ESRRG: variants seen among roughly 807,000 people sequenced by gnomAD.
ESRRG encodes estrogen-related receptor gamma.
Under a neutral mutation model 44.0 loss-of-function variants are expected in ESRRG, and 13 were observed. The observed-to-expected ratio is 0.30, with a 90% CI of 0.19 to 0.47. The LOEUF is 0.47. Ranked by LOEUF, ESRRG falls within the 20% of genes least tolerant of loss-of-function variation. The pLI is 1.00. For synonymous variants in ESRRG, 215 were observed against 214.6 expected (o/e 1.00, Z -0.02); for missense variants, 395 against 580.6 (o/e 0.68, Z 3.29).
At chr1:216,765,419 C>G (rs528254986) in intron 2 of ESRRG, among the ~76,000 whole-genome samples, 2 of 152,174 alleles carry the variant, frequency 1.3e-5, no homozygotes, top group South Asian at 4.2e-4. Context: ...TGTGATCACC[C>G]CTAGTCTTAT....
At chr1:216,563,615 T>C (rs908334156) in intron 5 of ESRRG, among the ~76,000 whole-genome samples, 1 of 152,206 alleles carries the variant, frequency 6.6e-6, no homozygotes, top group Admixed American at 6.5e-5. Flanking sequence ...CATGTACATA[T>C]TTGTTCATAT....
intron 2 of ESRRG, among the ~76,000 whole-genome samples, chr1:216,934,729 T>A (rs1482614857): frequency 6.6e-6 from 1 of 152,146 alleles, no homozygotes; most frequent in East Asian, 1.9e-4. Context: ...ATGGGAATTA[T>A]GGGAGCTACA....
intron 2 of ESRRG, among the ~76,000 whole-genome samples, chr1:216,903,599 C>A (rs1388377571): frequency 6.6e-6 from 1 of 151,812 alleles, no homozygotes; most frequent in Non-Finnish European, 1.5e-5. Context: ...GAACCCTGTA[C>A]AGCTGGTCCC....
At chr1:217,042,444 G>GA (rs912874215) in intron 1 of ESRRG, among the ~76,000 whole-genome samples, 8 of 144,420 alleles carry the variant, frequency 5.5e-5, no homozygotes, top group African/African-American at 2.1e-4. Context: ...GAAAGTAAAG[G>GA]AAAAAATGCA....
intron 2 of ESRRG, among the ~76,000 whole-genome samples, chr1:216,731,723 T>G (rs1009997591): frequency 1.7e-4 from 26 of 152,358 alleles, no homozygotes; most frequent in African/African-American, 4.8e-4. Flanking sequence ...TAGATTAAAT[T>G]ACCAGGAATG....
At chr1:216,800,198 CA>C (rs1477890215) in intron 2 of ESRRG, among the ~76,000 whole-genome samples, 3 of 152,078 alleles carry the variant, frequency 2.0e-5, no homozygotes, top group Admixed American at 6.6e-5. Context: ...GTCAGGAAAC[CA>C]TTAACATATT....
At chr1:216,952,568 G>A (rs2067159037) in intron 1 of ESRRG, among the ~76,000 whole-genome samples, 1 of 152,054 alleles carries the variant, frequency 6.6e-6, no homozygotes, top group Non-Finnish European at 1.5e-5. Flanking sequence ...TAGCAACTAT[G>A]AAACAGACAC....
chr1:217,013,539 T>C (rs995945461), intron 1 of ESRRG, among the ~76,000 whole-genome samples: 6 of 152,194 alleles, frequency 3.9e-5, no homozygotes, highest in African/African-American at 1.4e-4. Flanking sequence ...CAATCTATAG[T>C]TCCTTTAAAT....
chr1:216,927,406 G>A (rs1285632641), intron 2 of ESRRG, among the ~76,000 whole-genome samples: 1 of 152,182 alleles, frequency 6.6e-6, no homozygotes, highest in Non-Finnish European at 1.5e-5. Context: ...CAAAGGGAGG[G>A]AGGCGTTCTT....
At chr1:216,940,168 G>A (rs958671699) in intron 1 of ESRRG, among the ~76,000 whole-genome samples, 3 of 152,124 alleles carry the variant, frequency 2.0e-5, no homozygotes, top group Non-Finnish European at 2.9e-5. Context: ...ACAAGAGAGC[G>A]AGTAGAGAGG....
At chr1:217,075,733 G>A (rs1469685498) in intron 1 of ESRRG, among the ~76,000 whole-genome samples, 1 of 151,848 alleles carries the variant, frequency 6.6e-6, no homozygotes, top group Non-Finnish European at 1.5e-5. Flanking sequence ...CATGCAATAA[G>A]GCTCTCCAAC....
intron 2 of ESRRG, among the ~76,000 whole-genome samples, chr1:216,878,273 A>G (rs368962520): frequency 1.3e-5 from 2 of 152,146 alleles, no homozygotes; most frequent in East Asian, 3.9e-4. Context: ...TGAGATTGCT[A>G]TCTTTTTCTT....
intron 5 of ESRRG, among the ~76,000 whole-genome samples, chr1:216,535,573 A>G (rs951497718): frequency 1.3e-5 from 2 of 152,090 alleles, no homozygotes; most frequent in Non-Finnish European, 2.9e-5. Flanking sequence ...ACTTGTCTGT[A>G]AGTTAAAGAG....
intron 2 of ESRRG, among the ~76,000 whole-genome samples, chr1:216,868,280 G>T (rs2149180527): frequency 6.6e-6 from 1 of 151,806 alleles, no homozygotes; most frequent in Admixed American, 6.6e-5. Context: ...TAGAGATGGG[G>T]TTTCACCATG....
intron 3 of ESRRG, among the ~76,000 whole-genome samples, chr1:216,589,903 C>CAAGAAA (rs2057357724): frequency 3.1e-5 from 1 of 32,242 alleles, no homozygotes; most frequent in Non-Finnish European, 5.1e-5. Flanking sequence ...AACTCTGTCT[C>CAAGAAA]AAAAAAAAAA....
chr1:217,058,084 A>T (rs1412229527), intron 1 of ESRRG, among the ~76,000 whole-genome samples: 1 of 152,176 alleles, frequency 6.6e-6, no homozygotes, highest in Admixed American at 6.6e-5. Flanking sequence ...AATTGAAATG[A>T]TATTGAAAAG....
At chr1:217,003,937 C>T (rs2077398698) in intron 1 of ESRRG, among the ~76,000 whole-genome samples, 1 of 151,408 alleles carries the variant, frequency 6.6e-6, no homozygotes, top group African/African-American at 2.4e-5. Context: ...AGTTTGTGAC[C>T]TCAAATTTGG....
At chr1:216,889,268 C>G (rs865834826) in intron 2 of ESRRG, among the ~76,000 whole-genome samples, 6 of 152,298 alleles carry the variant, frequency 3.9e-5, no homozygotes, top group Middle Eastern at 6.8e-3. Flanking sequence ...CTGGACATTT[C>G]TAAGAAGGTT....
chr1:216,898,829 T>C (rs1294643163), intron 2 of ESRRG, among the ~76,000 whole-genome samples: 1 of 152,156 alleles, frequency 6.6e-6, no homozygotes, highest in Non-Finnish European at 1.5e-5. Context: ...AAATGAACTA[T>C]TGTTTTTATG....
Sources: gnomAD v4.1 joint callset for allele counts (sites outside exome capture counted in the v4.1 genomes callset) on GRCh38, gnomAD v4.1.1 for gene constraint, MANE v1.5 for transcripts, NCBI Gene and HGNC (gene_info 2026-07-23, HGNC 2026-07-21) for gene names.